NFATC2: variants seen among roughly 807,000 people sequenced by gnomAD.
The protein encoded by NFATC2 is nuclear factor of activated T-cells, cytoplasmic 2.
Under a neutral mutation model 87.3 loss-of-function variants are expected in NFATC2, and 22 were observed. That is an observed-to-expected ratio of 0.25 (90% CI 0.18 to 0.36). NFATC2 has a LOEUF of 0.36. Among genes scored for constraint, NFATC2 ranks in the 10% least tolerant of loss-of-function variants. NFATC2 has a pLI of 1.00. For synonymous variants in NFATC2, 565 were observed against 542.2 expected, an observed-to-expected ratio of 1.04 and a Z score of -0.58; for missense variants, 1,149 against 1,259.1, an observed-to-expected ratio of 0.91 and a Z score of 1.32.
intron 3 of NFATC2, among the ~76,000 whole-genome samples, chr20:51,508,705 C>T (rs1240076574): frequency 6.6e-6 from 1 of 152,104 alleles, no homozygotes; most frequent in African/African-American, 2.4e-5. Flanking sequence ...AACAGGGTCC[C>T]TAGAGACTCT....
intron 9 of NFATC2, among the ~76,000 whole-genome samples, chr20:51,418,334 G>A (rs550115579): frequency 2.0e-5 from 3 of 152,304 alleles, no homozygotes; most frequent in Middle Eastern, 6.8e-3. Context: ...TGCCCCCCAG[G>A]GGATACTTGG....
intron 6 of NFATC2, among the ~76,000 whole-genome samples, chr20:51,441,872 A>G (rs192212952): frequency 2.0e-5 from 3 of 152,326 alleles, no homozygotes; most frequent in African/African-American, 7.2e-5. Context: ...GGAGTCTTGC[A>G]TTGTTCTGAT....
At chr20:51,401,847 AC>A (rs1299303725) in intron 9 of NFATC2, among the ~76,000 whole-genome samples, 4 of 32,698 alleles carry the variant, frequency 1.2e-4, no homozygotes, top group Non-Finnish European at 2.5e-4. Context: ...TCATAAAAAC[AC>A]AAGGTGTCAA....
intron 6 of NFATC2, 39 bp from the exon 7 acceptor site, chr20:51,435,800 T>G: frequency 6.5e-7 from 1 of 1,541,956 alleles, no homozygotes; most frequent in Non-Finnish European, 8.8e-7. Flanking sequence ...GAAGGAACTA[T>G]TAGAAACCAA....
At chr20:51,465,281 G>A (rs1451153099) in intron 5 of NFATC2, among the ~76,000 whole-genome samples, 24 of 152,160 alleles carry the variant, frequency 1.6e-4, no homozygotes, top group Admixed American at 1.6e-3. Context: ...TCAGGAGGTT[G>A]AGGAACGAGA....
intron 6 of NFATC2, among the ~76,000 whole-genome samples, chr20:51,438,853 C>T (rs868308850): frequency 1.8e-4 from 28 of 152,322 alleles, no homozygotes; most frequent in South Asian, 4.1e-4. Flanking sequence ...AGAAGCAAGG[C>T]GGCTGTGCAA....
chr20:51,448,884 CATT>C (rs1985428910), intron 6 of NFATC2, among the ~76,000 whole-genome samples: 1 of 152,076 alleles, frequency 6.6e-6, no homozygotes, highest in Admixed American at 6.5e-5. Context: ...ATATAATAAT[CATT>C]ATTATTATTG....
At chr20:51,449,043 A>G (rs1457978792) in intron 6 of NFATC2, among the ~76,000 whole-genome samples, 4 of 152,172 alleles carry the variant, frequency 2.6e-5, no homozygotes, top group Non-Finnish European at 4.4e-5. Context: ...TTTAGTCGAC[A>G]GCTATAAAAA....
intron 9 of NFATC2, among the ~76,000 whole-genome samples, chr20:51,412,714 A>C (rs757112643): frequency 1.4e-4 from 22 of 151,980 alleles, no homozygotes; most frequent in Non-Finnish European, 2.5e-4. Flanking sequence ...ACTCTCTGCC[A>C]GCTGGGTCCA....
At chr20:51,448,207 CAG>C (rs1453536331) in intron 6 of NFATC2, among the ~76,000 whole-genome samples, 2 of 152,124 alleles carry the variant, frequency 1.3e-5, no homozygotes, top group Non-Finnish European at 2.9e-5. Context: ...CCCAAGAAAA[CAG>C]AGCCGGGCAG....
chr20:51,522,897 G>A (rs2076471717), intron 2 of NFATC2, among the ~76,000 whole-genome samples, 184 bp downstream of exon 2: 1 of 152,212 alleles, frequency 6.6e-6, no homozygotes, highest in South Asian at 2.1e-4. Flanking sequence ...TTTTACAGAT[G>A]AGAAAAACCT....
intron 6 of NFATC2, among the ~76,000 whole-genome samples, chr20:51,443,273 C>CT (rs1984617908): frequency 6.6e-6 from 1 of 152,218 alleles, no homozygotes; most frequent in Admixed American, 6.5e-5. Context: ...CAGCCTCAGG[C>CT]TGTGAGTTAC....
At chr20:51,464,702 A>G (rs1048453886) in intron 5 of NFATC2, among the ~76,000 whole-genome samples, 2 of 152,198 alleles carry the variant, frequency 1.3e-5, no homozygotes, top group Non-Finnish European at 2.9e-5. Context: ...AGGTGCCCAC[A>G]GCCCCCTGGA....
intron 10 of NFATC2, among the ~76,000 whole-genome samples, chr20:51,395,111 A>G (rs755420125): frequency 3.3e-5 from 5 of 152,196 alleles, no homozygotes; most frequent in Non-Finnish European, 7.3e-5. Flanking sequence ...CTTTCTCTCT[A>G]TGAAAGAATA....
intron 9 of NFATC2, among the ~76,000 whole-genome samples, chr20:51,407,542 T>C (rs922845219): frequency 1.3e-5 from 2 of 152,194 alleles, no homozygotes; most frequent in African/African-American, 4.8e-5. Flanking sequence ...CTCAGCTCTG[T>C]AGAGCAGATT....
intron 9 of NFATC2, 110 bp downstream of exon 9, chr20:51,431,957 A>C (rs1982774707): frequency 8.6e-6 from 10 of 1,165,058 alleles, no homozygotes; most frequent in Admixed American, 2.4e-5. Flanking sequence ...AAATGGGGAC[A>C]CTGAGGCCCA....
At chr20:51,500,479 A>G (rs1276769744) in intron 3 of NFATC2, among the ~76,000 whole-genome samples, 2 of 151,862 alleles carry the variant, frequency 1.3e-5, no homozygotes, top group East Asian at 3.9e-4. Flanking sequence ...TCTGAGTCAT[A>G]GAATTAAGTA....
rs1311185054 is a variant in NFATC2 at position 51,542,704 on chromosome 20, G to GCGC, written c.-208_-206dup. The GCGC allele has an allele frequency of 2.8e-6, 3 of 1,071,682 alleles. No homozygotes were observed. The African/African-American group carries it at 5.2e-5, about 18-fold the overall frequency. The allele number at this position is 1,071,682 out of a possible 1,614,324, so 66.4% of individuals were successfully genotyped here. ...AAGCTGAGCGGCGGCGGCGACGGCG[G>GCGC]CGCGAGCTTCCTGCTCCGGAGGCAC... On this transcript the variant is annotated 5_prime_UTR_variant, in exon 1 of 11. Transcript: ENST00000371564.
At chr20:51,418,945 T>C (rs1980454772) in intron 9 of NFATC2, among the ~76,000 whole-genome samples, 1 of 145,830 alleles carries the variant, frequency 6.9e-6, no homozygotes, top group African/African-American at 2.7e-5. Flanking sequence ...ATTATAGGCG[T>C]GAGCCACCCC....
Sources: gnomAD v4.1 joint callset for allele counts (sites outside exome capture counted in the v4.1 genomes callset) on GRCh38, gnomAD v4.1.1 for gene constraint, MANE v1.5 for transcripts, NCBI Gene and HGNC (gene_info 2026-07-23, HGNC 2026-07-21) for gene names.